Variants in SPIRE2 observed in about 807,000 individuals in gnomAD.
SPIRE2 encodes spire type actin nucleation factor 2.
Under a neutral mutation model 80.7 loss-of-function variants are expected in SPIRE2, and 76 were observed. The observed-to-expected ratio is 0.94, with a 90% CI of 0.78 to 1.14. SPIRE2 has a LOEUF of 1.14. SPIRE2 is among the 50% of genes most tolerant of loss of function. The pLI, the probability that SPIRE2 is intolerant of heterozygous loss-of-function variation, is 0.00. For synonymous variants in SPIRE2, 535 were observed against 432.6 expected (o/e 1.24, Z -2.94); for missense variants, 1,196 against 1,015.3 (o/e 1.18, Z -2.42).
At chr16:89,868,285 T>G (rs546573108) in intron 13 of SPIRE2, 69 bp downstream of exon 13, 2 of 1,494,992 alleles carry the variant, frequency 1.3e-6, no homozygotes, top group South Asian at 2.3e-5. Flanking sequence ...TTTGATTGGA[T>G]GTGTTGGATG....
chr16:89,847,205 CG>C (rs1567672417), intron 2 of SPIRE2: 1 of 152,192 alleles, frequency 6.6e-6, no homozygotes, highest in South Asian at 2.1e-4. Context: ...TGGAGAACCT[CG>C]GGGCGGGGAT....
chr16:89,831,725 C>T (rs2041385041), intron 1 of SPIRE2, among the ~76,000 whole-genome samples: 1 of 151,120 alleles, frequency 6.6e-6, no homozygotes, highest in Admixed American at 6.6e-5. Flanking sequence ...ACAGGCAGGC[C>T]CCGCTCTTTA....
At chr16:89,848,266 G>C (rs1403142585) in intron 2 of SPIRE2, among the ~76,000 whole-genome samples, 1 of 152,228 alleles carries the variant, frequency 6.6e-6, no homozygotes, top group Non-Finnish European at 1.5e-5. Flanking sequence ...GTCACTGGTC[G>C]GGTGTGGCTG....
chr16:89,844,000 C>CT lies in SPIRE2; in HGVS notation c.245-1309dup, dbSNP rs995181603. On this transcript the variant is annotated intron_variant, in intron 1 of 14. Coordinates refer to ENST00000378247, the MANE Select transcript of SPIRE2 (RefSeq NM_032451.2). ...ACAGGCATGAGCTGCCGTGCCTGGC[C>CT]TTTTTTTTTTTTTGAGACAGGGTCT... 8.3e-3 allele frequency among the ~76,000 whole-genome samples: 1,135 copies of CT among 137,154 alleles called. 11 individuals are homozygous for CT. The highest frequency in any genetic ancestry group is 0.025 in the African/African-American group (925 of 37,382). The allele number at this position is 137,154 out of a possible 152,430, so 90.0% of individuals were successfully genotyped here.
At chr16:89,851,391 C>T (rs989565813) in intron 3 of SPIRE2, among the ~76,000 whole-genome samples, 1 of 152,118 alleles carries the variant, frequency 6.6e-6, no homozygotes, top group African/African-American at 2.4e-5. Context: ...TGGGTGGGGA[C>T]GGGCCGTTCG....
chr16:89,855,476 C>T, intron 5 of SPIRE2, 124 bp from the exon 6 acceptor site: 1 of 775,922 alleles, frequency 1.3e-6, no homozygotes, highest in Non-Finnish European at 2.1e-6. Flanking sequence ...TCCCTGCGAG[C>T]AAAGAGTGGG....
Position 89,834,577 on chromosome 16 carries a change from C to T in SPIRE2, c.244+5783C>T, listed in dbSNP as rs377128356. 1.3e-4 allele frequency among the ~76,000 whole-genome samples: 10 copies of T among 76,680 alleles called. No individual in the cohort carries two copies. The South Asian group carries it at 1.7e-3, about 13-fold the overall frequency. 50.3% of individuals were successfully genotyped at this position (76,680 alleles called of 152,430 possible). On this transcript the variant is annotated intron_variant, in intron 1 of 14. Transcript: ENST00000378247. ...TCGCGGTTGGCCGTCGTAGAAGGCCCCATAAGCATAGCCCGTGTGAATCTG... is the reference window on the plus strand; with the variant it reads ...TCGCGGTTGGCCGTCGTAGAAGGCCTCATAAGCATAGCCCGTGTGAATCTG...
chr16:89,828,861 G>T lies in SPIRE2; in HGVS notation c.244+67G>T. On this transcript the variant is annotated intron_variant, in intron 1 of 14. Transcript: ENST00000378247. This position sits in a 1 kb window ranked among gnomAD's most constrained non-coding sequence, Gnocchi z 5.9. Reference sequence around the variant, plus strand: ...GGGCGTCCGTCCCGCCCCCTGGGTGGGGGTGGTCCCGGCGGAGAGGCTGCG... The same window carrying T: ...GGGCGTCCGTCCCGCCCCCTGGGTGTGGGTGGTCCCGGCGGAGAGGCTGCG... 1.7e-6 allele frequency: 2 copies of T among 1,143,528 alleles called. No individual in the cohort carries two copies. The highest frequency in any genetic ancestry group is 2.2e-6 in the Non-Finnish European group (2 of 926,082). 70.8% of individuals were successfully genotyped at this position (1,143,528 alleles called of 1,614,324 possible). A position where few individuals can be genotyped will look rare whatever the true frequency, so the allele number is the denominator to read the frequency against.
At chr16:89,860,055 C>T (rs906477624) in intron 9 of SPIRE2, among the ~76,000 whole-genome samples, 1 of 152,146 alleles carries the variant, frequency 6.6e-6, no homozygotes, top group Non-Finnish European at 1.5e-5. Flanking sequence ...GCCTCAGCCT[C>T]TGGGAGTTGG....
At position 89,828,831 on chromosome 16, in the gene SPIRE2, G is replaced by A; in HGVS notation, c.244+37G>A. On this transcript the variant is annotated intron_variant, in intron 1 of 14. Transcript: ENST00000378247. The surrounding 1 kb of genome is among the most constrained non-coding windows in gnomAD (Gnocchi z 5.9). Reference sequence around the variant, plus strand: ...GGCGGGGCAGCCGGCGGGGACCGCGGTCTGGGGCGTCCGTCCCGCCCCCTG... The same window carrying A: ...GGCGGGGCAGCCGGCGGGGACCGCGATCTGGGGCGTCCGTCCCGCCCCCTG... 8.5e-7 allele frequency: 1 copy of A among 1,171,236 alleles called. No homozygotes were observed. The highest frequency in any genetic ancestry group is 1.1e-6 in the Non-Finnish European group (1 of 948,518). The allele number at this position is 1,171,236 out of a possible 1,614,324, so 72.6% of individuals were successfully genotyped here.
In SPIRE2 at chr16:89,850,500, C is replaced by G; in HGVS notation, c.485C>G (p.Pro162Arg). 1 of 1,528,430 alleles carries G rather than the reference C, an allele frequency of 6.5e-7. No homozygotes were observed. Among genetic ancestry groups the G allele is most frequent in the Non-Finnish European group, 8.8e-7 (1 of 1,140,846 alleles). 94.7% of individuals were successfully genotyped at this position (1,528,430 alleles called of 1,614,324 possible). Residue 162 changes from proline to arginine, a missense_variant, in exon 3 of 15, where the codon CCC becomes CGC. Physicochemically the swap from Pro to Arg is moderately radical, Grantham distance 103 (BLOSUM62 -2). Transcript: ENST00000378247. Reference sequence around the variant, plus strand: ...GAGGAGGAGGAGGCCGAGGGCGTCCCCCGCAGCGTGCGCACCTTTGCCCAG... The same window carrying G: ...GAGGAGGAGGAGGCCGAGGGCGTCCGCCGCAGCGTGCGCACCTTTGCCCAG... ...PEEEEEAEGV[P>R]RSVRTFAQAM...
intron 10 of SPIRE2, chr16:89,862,649 T>A (rs1240709402): frequency 6.6e-6 from 1 of 152,298 alleles, no homozygotes; most frequent in Non-Finnish European, 1.5e-5. Context: ...CCTAAAGCCC[T>A]GGGTGCCTCA....
At chr16:89,856,387 C>T (rs2041692267) in intron 7 of SPIRE2, 151 bp downstream of exon 7, 1 of 699,162 alleles carries the variant, frequency 1.4e-6, no homozygotes, top group African/African-American at 1.8e-5. Context: ...TTGAGGCACA[C>T]AGGCTTTTGA....
rs758862034 is a variant in SPIRE2, at chr16:89,860,762, C to T, written c.1542C>T (p.Ala514=). The change falls in exon 10 of 15, where the codon GCC becomes GCT. Residue 514 remains alanine (A), a synonymous_variant. Coordinates refer to ENST00000378247, the MANE Select transcript of SPIRE2 (RefSeq NM_032451.2). ...NRGSSGDRPE[A]SMTPDAKHLW... Reference sequence around the variant, plus strand: ...GCTCCTCGGGGGACAGACCCGAGGCCTCCATGACCCCCGATGCCAAACACC... The same window carrying T: ...GCTCCTCGGGGGACAGACCCGAGGCTTCCATGACCCCCGATGCCAAACACC... The T allele has an allele frequency of 1.3e-6, 2 of 1,563,754 alleles. No homozygotes were observed. Among genetic ancestry groups the T allele is most frequent in the South Asian group, 1.2e-5 (1 of 84,818 alleles).
At chr16:89,866,286 A>G (rs964435254) in intron 12 of SPIRE2, among the ~76,000 whole-genome samples, 45 of 152,004 alleles carry the variant, frequency 3.0e-4, no homozygotes, top group African/African-American at 1.1e-3. Flanking sequence ...TAATTCTCTC[A>G]TGTTTGAATT....
At chr16:89,839,522 G>A (rs746722284) in intron 1 of SPIRE2, among the ~76,000 whole-genome samples, 2 of 152,184 alleles carry the variant, frequency 1.3e-5, no homozygotes, top group Non-Finnish European at 2.9e-5. Flanking sequence ...TCGTGGGTCT[G>A]CCAGGAATGG....
intron 7 of SPIRE2, among the ~76,000 whole-genome samples, chr16:89,856,773 G>C (rs1274935974): frequency 6.6e-6 from 1 of 151,892 alleles, no homozygotes; most frequent in Non-Finnish European, 1.5e-5. Context: ...AATAAAAAAT[G>C]ATGAGGCTGG....
chr16:89,835,292 A>C (rs2041437336), intron 1 of SPIRE2, among the ~76,000 whole-genome samples: 2 of 152,180 alleles, frequency 1.3e-5, no homozygotes, highest in South Asian at 4.1e-4. Flanking sequence ...CAGCTCTTGC[A>C]AGTTCTGCCT....
intron 1 of SPIRE2, among the ~76,000 whole-genome samples, chr16:89,833,904 G>A (rs546546426): frequency 4.9e-4 from 75 of 152,286 alleles, no homozygotes; most frequent in Non-Finnish European, 8.2e-4. Context: ...TGTAGAAAGC[G>A]GGAAGGAGGC....
Sources: gnomAD v4.1 joint callset for allele counts (sites outside exome capture counted in the v4.1 genomes callset) on GRCh38, gnomAD v4.1.1 for gene constraint, Gnocchi (gnomAD v3.1) non-coding constraint, MANE v1.5 for transcripts, NCBI Gene and HGNC (gene_info 2026-07-23, HGNC 2026-07-21) for gene names.